PLBD1: variants seen among roughly 807,000 people sequenced by gnomAD.
The protein encoded by PLBD1 is lysosomal leucine aminopeptidase.
A neutral mutation model predicts 63.0 loss-of-function variants in PLBD1; 60 were observed. The observed-to-expected ratio is 0.95, with a 90% CI of 0.77 to 1.18. The LOEUF (loss-of-function observed/expected upper bound fraction) is 1.18, where lower values mean the gene tolerates loss of function less well. Among genes scored for constraint, PLBD1 ranks in the 50% most tolerant of loss-of-function variants. The pLI is 0.00. For synonymous variants in PLBD1, 262 were observed against 248.0 expected (o/e 1.06, Z -0.53); for missense variants, 598 against 677.9 (o/e 0.88, Z 1.31).
At chr12:14,520,444 C>A (rs1945366012) in intron 6 of PLBD1, among the ~76,000 whole-genome samples, 1 of 152,044 alleles carries the variant, frequency 6.6e-6, no homozygotes, top group African/African-American at 2.4e-5. Flanking sequence ...TGAGTGCAAG[C>A]AAGGTAATTG....
chr12:14,546,509 T>G (rs1945617797), intron 2 of PLBD1, among the ~76,000 whole-genome samples: 1 of 152,108 alleles, frequency 6.6e-6, no homozygotes, highest in South Asian at 2.1e-4. Flanking sequence ...ATCCCCCACA[T>G]TTTTCAGTCT....
chr12:14,512,844 A>G (rs905769731), intron 6 of PLBD1, among the ~76,000 whole-genome samples: 1 of 152,188 alleles, frequency 6.6e-6, no homozygotes, highest in African/African-American at 2.4e-5. Context: ...AGCCCCTTCC[A>G]CTATGTGAGG....
In PLBD1 at chr12:14,507,006, T is replaced by C. The variant is rs1945261695; in HGVS notation, c.1299A>G (p.Arg433=). ...GLDYSYDLAP[R]AKIFRRDQGK... is the part of the protein sequence containing the mutation. Reference sequence around the variant, plus strand: ...CTTGGTCACGCCGGAAAATTTTGGCTCGTGGAGCTAAATCATAAGAGTAGT... The same window carrying C: ...CTTGGTCACGCCGGAAAATTTTGGCCCGTGGAGCTAAATCATAAGAGTAGT... Residue 433 remains arginine (R), a synonymous_variant, in exon 9 of 11, where the codon CGA becomes CGG. Coordinates refer to ENST00000240617, the MANE Select transcript of PLBD1 (RefSeq NM_024829.6). The C allele has an allele frequency of 6.8e-6, 11 of 1,613,996 alleles. No homozygotes were observed. Among genetic ancestry groups the C allele is most frequent in the South Asian group, 6.6e-5 (6 of 91,080 alleles).
At position 14,503,841 on chromosome 12, in the gene PLBD1, C is replaced by CTGA. The variant is rs1471630701; in HGVS notation, c.1590_1592dup (p.His530dup). On this transcript the variant is annotated inframe_insertion, in exon 11 of 11. Coordinates refer to ENST00000240617, the MANE Select transcript of PLBD1 (RefSeq NM_024829.6). ...CAAAGTTGTAGACCTCTGGCATGCC[C>CTGA]TGATGTAGAGTTTTGTTGAAACGGT... The CTGA allele has an allele frequency of 6.2e-7, 1 of 1,613,834 alleles. No individual in the cohort carries two copies. Among genetic ancestry groups the CTGA allele is most frequent in the Admixed American group, 1.7e-5 (1 of 60,008 alleles).
chr12:14,539,117 T>C (rs973387386), intron 4 of PLBD1, among the ~76,000 whole-genome samples: 1 of 152,200 alleles, frequency 6.6e-6, no homozygotes, highest in African/African-American at 2.4e-5. Flanking sequence ...CAGTATCCCA[T>C]TGTAATTGAT....
At position 14,506,384 on chromosome 12, in the gene PLBD1, G is replaced by A. The variant is rs79900625; in HGVS notation, c.1373-116C>T. Reference sequence around the variant, plus strand: ...ATAATCAGAGAGTGTACTCCCACAGGCCTCCTCAGCCCAGTCTGCTTCCAG... The same window carrying A: ...ATAATCAGAGAGTGTACTCCCACAGACCTCCTCAGCCCAGTCTGCTTCCAG... On this transcript the variant is annotated intron_variant, in intron 9 of 10. Coordinates refer to ENST00000240617, the MANE Select transcript of PLBD1 (RefSeq NM_024829.6). 2,612 of 701,756 alleles carry A rather than the reference G, an allele frequency of 3.7e-3. 39 individuals carry two copies. In the African/African-American group the frequency reaches 0.042, roughly 11 times the overall value. 43.5% of individuals were successfully genotyped at this position (701,756 alleles called of 1,614,324 possible). A position where few individuals can be genotyped will look rare whatever the true frequency, so the allele number is the denominator to read the frequency against.
chr12:14,509,500 A>T (rs1017064527), intron 8 of PLBD1, among the ~76,000 whole-genome samples: 1 of 142,490 alleles, frequency 7.0e-6, no homozygotes, highest in Non-Finnish European at 1.5e-5. Context: ...CTAACAAGCA[A>T]AGAAGAAGGT....
In PLBD1 at chr12:14,503,783, C is replaced by T. The variant is rs1160084923; in HGVS notation, c.1651G>A (p.Asp551Asn). ...FITMKPILKL[D>N]IK Reference sequence around the variant, plus strand: ...GTCATCTCCCTCCTTCATTTTATATCAAGTTTCAAAATTGGTTTCATGGTA... The same window carrying T: ...GTCATCTCCCTCCTTCATTTTATATTAAGTTTCAAAATTGGTTTCATGGTA... The change falls in exon 11 of 11, where the codon GAT becomes AAT. Residue 551 changes from aspartate to asparagine, a missense_variant. Physicochemically the swap from Asp to Asn is conservative, Grantham distance 23. Coordinates refer to ENST00000240617, the MANE Select transcript of PLBD1 (RefSeq NM_024829.6). The T allele has an allele frequency of 1.2e-6, 2 of 1,612,608 alleles. No individual in the cohort carries two copies. Among genetic ancestry groups the T allele is most frequent in the African/African-American group, 1.3e-5 (1 of 74,954 alleles).
chr12:14,559,467 C>T (rs1410130677), intron 1 of PLBD1, among the ~76,000 whole-genome samples: 8 of 152,088 alleles, frequency 5.3e-5, no homozygotes, highest in East Asian at 1.9e-4. Flanking sequence ...AAAGGAAGCT[C>T]ATCAGAGCAC....
chr12:14,546,072 A>G (rs1216909008), intron 2 of PLBD1, among the ~76,000 whole-genome samples: 3 of 152,204 alleles, frequency 2.0e-5, no homozygotes, highest in Non-Finnish European at 4.4e-5. Context: ...CCGTAATTCC[A>G]GCAGTTTGGG....
At chr12:14,519,054 G>T (rs899763048) in intron 6 of PLBD1, among the ~76,000 whole-genome samples, 1 of 152,084 alleles carries the variant, frequency 6.6e-6, no homozygotes, top group Non-Finnish European at 1.5e-5. Flanking sequence ...TTAAAGCAAT[G>T]ATCTGAAGAT....
chr12:14,553,767 C>A, intron 1 of PLBD1: 1 of 328,006 alleles, frequency 3.0e-6, no homozygotes. Flanking sequence ...CAGGATGGCT[C>A]AGCTAGTTGT....
At position 14,536,505 on chromosome 12, in the gene PLBD1, T is replaced by C. The variant is rs936169326; in HGVS notation, c.699+65A>G. The stretch of plus-strand genomic sequence containing the variant: ...CAGGGGTGATGAGATGTTGCTATAC[T>C]TGGGCGCTATATAGAAAAAGTCTGT... On this transcript the variant is annotated intron_variant, in intron 5 of 10. Coordinates refer to ENST00000240617, the MANE Select transcript of PLBD1 (RefSeq NM_024829.6). The C allele has an allele frequency of 2.6e-6, 4 of 1,560,212 alleles. No homozygotes were observed. In the African/African-American group the frequency reaches 4.1e-5, roughly 16 times the overall value.
At chr12:14,516,834 T>A (rs1420756424) in intron 6 of PLBD1, among the ~76,000 whole-genome samples, 1 of 151,678 alleles carries the variant, frequency 6.6e-6, no homozygotes, top group Non-Finnish European at 1.5e-5. Context: ...AGTTCAGGAG[T>A]TCGAGATTAG....
intron 2 of PLBD1, among the ~76,000 whole-genome samples, chr12:14,546,264 G>A (rs1420570960): frequency 6.6e-6 from 1 of 150,588 alleles, no homozygotes; most frequent in Non-Finnish European, 1.5e-5. Flanking sequence ...GTTGTAGTGA[G>A]CAGAGATCAT....
chr12:14,506,949 A>G lies in PLBD1; in HGVS notation c.1356T>C (p.Tyr452=), dbSNP rs148870731. The G allele has an allele frequency of 7.4e-5, 119 of 1,614,090 alleles. No homozygotes were observed. The African/African-American group carries it at 1.5e-3, about 20-fold the overall frequency. ...GCTACGTACTGTTGTATCGCATGAT[A>G]TATTTCATGGATGCCGTATCAGTCA... is the stretch of plus-strand genomic sequence containing the variant. ...GKVTDTASMK[Y]IMRYNNYKKD... is the part of the protein sequence containing the mutation. The change falls in exon 9 of 11, where the codon TAT becomes TAC. Residue 452 remains tyrosine (Y), a synonymous_variant. Coordinates refer to ENST00000240617, the MANE Select transcript of PLBD1 (RefSeq NM_024829.6).
At chr12:14,511,750 C>T (rs780635149) in intron 6 of PLBD1, 39 bp from the exon 7 acceptor site, 5 of 1,533,240 alleles carry the variant, frequency 3.3e-6, no homozygotes, top group South Asian at 1.1e-5. Context: ...CATATGTATA[C>T]ATGGAACAGT....
intron 6 of PLBD1, among the ~76,000 whole-genome samples, chr12:14,516,694 A>C (rs931861846): frequency 6.6e-5 from 10 of 152,150 alleles, no homozygotes; most frequent in African/African-American, 2.4e-4. Flanking sequence ...TAGATCATTA[A>C]GCTTGAAGCC....
intron 6 of PLBD1, among the ~76,000 whole-genome samples, chr12:14,523,470 G>GA (rs57849917): frequency 0.31 from 47,201 of 151,746 alleles, 8,309 homozygotes; most frequent in East Asian, 0.57. Flanking sequence ...CATAGAAAGA[G>GA]AAAAAAATCT....
Sources: allele counts gnomAD v4.1 joint callset (sites outside exome capture counted in the v4.1 genomes callset), GRCh38; gene constraint gnomAD v4.1.1; transcripts MANE v1.5; gene names NCBI Gene and HGNC (gene_info 2026-07-23, HGNC 2026-07-21).